The following KHDRBS2 variants were observed in gnomAD, a reference collection of about 807,000 sequenced individuals.
KHDRBS2 encodes the protein KH domain-containing, RNA-binding, signal transduction-associated protein 2.
In KHDRBS2, 26 loss-of-function variants were observed where a neutral mutation model predicts 44.3. The observed-to-expected ratio is 0.59, with a 90% CI of 0.43 to 0.81. KHDRBS2 has a LOEUF of 0.81. Ranked by LOEUF, KHDRBS2 falls within the 40% of genes least tolerant of loss-of-function variation. The pLI is 0.00. For missense variants in KHDRBS2, 476 were observed against 433.1 expected (o/e 1.10, Z -0.88); for synonymous variants, 194 against 151.1 (o/e 1.28, Z -2.08).
At chr6:62,186,065 G>A (rs1823352030) in intron 1 of KHDRBS2, among the ~76,000 whole-genome samples, 1 of 152,028 alleles carries the variant, frequency 6.6e-6, no homozygotes, top group Admixed American at 6.6e-5. Flanking sequence ...TAAGAATGCA[G>A]GCTTCTGGAT....
At chr6:62,017,317 G>A (rs1781391221) in intron 3 of KHDRBS2, among the ~76,000 whole-genome samples, 1 of 151,962 alleles carries the variant, frequency 6.6e-6, no homozygotes, top group Admixed American at 6.6e-5. Context: ...ACCAGAACAT[G>A]ATAAAATCCT....
intron 2 of KHDRBS2, among the ~76,000 whole-genome samples, chr6:62,058,051 A>T (rs1234543279): frequency 6.6e-6 from 1 of 151,938 alleles, no homozygotes; most frequent in Non-Finnish European, 1.5e-5. Context: ...ACATTATTTC[A>T]TTAATACATT....
intron 2 of KHDRBS2, among the ~76,000 whole-genome samples, chr6:62,097,573 A>G (rs1800898824): frequency 2.0e-5 from 3 of 151,824 alleles, no homozygotes; most frequent in Non-Finnish European, 2.9e-5. Flanking sequence ...TTCCATTTCC[A>G]TGTGTATCTT....
At chr6:61,839,311 A>G (rs1355320364) in intron 6 of KHDRBS2, among the ~76,000 whole-genome samples, 1 of 151,950 alleles carries the variant, frequency 6.6e-6, no homozygotes, top group Non-Finnish European at 1.5e-5. Context: ...ACCCCTCTCC[A>G]TGACTGTTTC....
At chr6:61,592,594 C>G in the KHDRBS2 span, among the ~76,000 whole-genome samples, 1 of 152,136 alleles carries the variant, frequency 6.6e-6, no homozygotes, top group African/African-American at 2.4e-5. Context: ...TAAAAGGCAG[C>G]TTTTCAAGGC....
In KHDRBS2 at chr6:62,238,307, G is replaced by A. The variant is rs1307834772; in HGVS notation, c.91+47551C>T. On this transcript the variant is annotated intron_variant, in intron 1 of 8. Transcript: ENST00000281156. Reference sequence around the variant, plus strand: ...AAGAAGCCTGGGAAGGAGACAGAGTGGGATTCGAGTTTGATGACTGTGTCT... The same window carrying A: ...AAGAAGCCTGGGAAGGAGACAGAGTAGGATTCGAGTTTGATGACTGTGTCT... Among the ~76,000 whole-genome samples the A allele has an allele frequency of 6.6e-5, 10 of 152,038 alleles. 1 individual carries two copies. Among genetic ancestry groups the A allele is most frequent in the Admixed American group, 5.2e-4 (8 of 15,254 alleles).
chr6:61,546,485 C>T, the KHDRBS2 span, among the ~76,000 whole-genome samples: 1 of 152,106 alleles, frequency 6.6e-6, no homozygotes, highest in South Asian at 2.1e-4. Context: ...TTACCATAGG[C>T]TAATTTAAAC....
intron 2 of KHDRBS2, among the ~76,000 whole-genome samples, chr6:62,175,792 C>A (rs2150122266): frequency 6.6e-6 from 1 of 151,526 alleles, no homozygotes; most frequent in African/African-American, 2.4e-5. Context: ...CTGAATCAAA[C>A]ATAGATCTGG....
At chr6:62,063,773 T>TG (rs1296724512) in intron 2 of KHDRBS2, among the ~76,000 whole-genome samples, 2 of 128,230 alleles carry the variant, frequency 1.6e-5, no homozygotes, top group African/African-American at 5.9e-5. Context: ...TTGGAAGTTC[T>TG]GGCCAGGGCA....
chr6:61,576,417 T>C, the KHDRBS2 span, among the ~76,000 whole-genome samples: 1 of 152,134 alleles, frequency 6.6e-6, no homozygotes, highest in African/African-American at 2.4e-5. Flanking sequence ...TGCTACAGAT[T>C]TTGTATGCTG....
chr6:61,785,874 A>G (rs1783729026), intron 6 of KHDRBS2, among the ~76,000 whole-genome samples: 2 of 152,110 alleles, frequency 1.3e-5, no homozygotes, highest in South Asian at 4.1e-4. Flanking sequence ...ATGTGGTGAA[A>G]CTATGCTTAT....
chr6:61,936,374 C>G (rs896212915), intron 4 of KHDRBS2, among the ~76,000 whole-genome samples: 5 of 151,968 alleles, frequency 3.3e-5, no homozygotes, highest in African/African-American at 9.7e-5. Context: ...AGGGCTGCTC[C>G]ACATTCTCTC....
At chr6:61,663,703 C>G in the KHDRBS2 span, among the ~76,000 whole-genome samples, 1 of 150,572 alleles carries the variant, frequency 6.6e-6, no homozygotes, top group African/African-American at 2.4e-5. Context: ...TTAATGTCCT[C>G]TATTAACTGA....
intron 1 of KHDRBS2, among the ~76,000 whole-genome samples, chr6:62,211,619 T>C (rs1303708287): frequency 1.3e-5 from 2 of 152,162 alleles, no homozygotes; most frequent in African/African-American, 4.8e-5. Context: ...AAAAAAACAT[T>C]TATTTTAAGT....
At chr6:62,071,804 G>A (rs1484402040) in intron 2 of KHDRBS2, among the ~76,000 whole-genome samples, 2 of 152,154 alleles carry the variant, frequency 1.3e-5, no homozygotes, top group Non-Finnish European at 2.9e-5. Context: ...TTTCGGCTTA[G>A]GATTGATTTG....
intron 6 of KHDRBS2, among the ~76,000 whole-genome samples, chr6:61,780,808 G>GC (rs111564540): frequency 0.65 from 98,963 of 151,956 alleles, 32,868 homozygotes; most frequent in African/African-American, 0.79. Flanking sequence ...ACCCACTGTT[G>GC]CTATGTGAAA....
downstream of KHDRBS2, chr6:61,679,942 C>G (rs1766149874): frequency 6.6e-6 from 1 of 151,846 alleles, no homozygotes. Context: ...TTGTGTTTAG[C>G]AAGATAAAGC....
intron 6 of KHDRBS2, among the ~76,000 whole-genome samples, chr6:61,889,503 C>T (rs1359255350): frequency 2.0e-5 from 3 of 151,444 alleles, no homozygotes; most frequent in Non-Finnish European, 4.4e-5. Context: ...CTCTTTCACA[C>T]ATCCACGTAT....
the KHDRBS2 span, among the ~76,000 whole-genome samples, chr6:61,640,313 T>A: frequency 2.6e-5 from 4 of 152,000 alleles, 1 homozygote; most frequent in South Asian, 8.3e-4. Context: ...CCATAAAAAG[T>A]TTAAATATAC....
Sources: gnomAD v4.1 joint callset for allele counts (sites outside exome capture counted in the v4.1 genomes callset) on GRCh38, gnomAD v4.1.1 for gene constraint, MANE v1.5 for transcripts, NCBI Gene and HGNC (gene_info 2026-07-23, HGNC 2026-07-21) for gene names.